The following SLC22A23 variants were observed in gnomAD, a reference collection of about 807,000 sequenced individuals.
SLC22A23 encodes solute carrier family 22 member 23.
In SLC22A23, 26 loss-of-function variants were observed where a neutral mutation model predicts 61.0. The observed-to-expected ratio is 0.43, with a 90% CI of 0.31 to 0.59. The LOEUF is 0.59. Among genes scored for constraint, SLC22A23 ranks in the 20% least tolerant of loss-of-function variants. The probability of loss-of-function intolerance (pLI) is 0.11; values close to 1 mark genes in which losing one functional copy is unlikely to be tolerated. For missense variants in SLC22A23, 796 were observed against 934.7 expected (o/e 0.85, Z 1.94); for synonymous variants, 430 against 413.9 (o/e 1.04, Z -0.47).
intron 4 of SLC22A23, among the ~76,000 whole-genome samples, chr6:3,305,846 G>A (rs1761936048): frequency 6.6e-6 from 1 of 152,236 alleles, no homozygotes; most frequent in Non-Finnish European, 1.5e-5. Flanking sequence ...GCTTCCCTGG[G>A]AGAAAGCCTT....
In SLC22A23 at chr6:3,322,547, C is replaced by T. The variant is rs562406244; in HGVS notation, c.1082+1287G>A. ...GCGGCCCCAGGAGAGGAGCTCAGTT[C>T]GGGCAGCGGTGGCTGCTGAGTGGCC... On this transcript the variant is annotated intron_variant, in intron 4 of 9. Transcript: ENST00000406686. This position sits in a 1 kb window ranked among gnomAD's most constrained non-coding sequence, Gnocchi z 4.1. Among the ~76,000 whole-genome samples the T allele has an allele frequency of 1.5e-4, 23 of 152,318 alleles. No individual in the cohort carries two copies. Among genetic ancestry groups the T allele is most frequent in the African/African-American group, 3.1e-4 (13 of 41,570 alleles).
intron 3 of SLC22A23, among the ~76,000 whole-genome samples, chr6:3,361,796 G>T (rs917661121): frequency 6.6e-6 from 1 of 152,216 alleles, no homozygotes; most frequent in Non-Finnish European, 1.5e-5. Context: ...TCAACAGATC[G>T]CAAAGGCCTC....
chr6:3,373,382 C>T (rs1006031304), intron 3 of SLC22A23, among the ~76,000 whole-genome samples: 1 of 152,350 alleles, frequency 6.6e-6, no homozygotes. Context: ...TGCTCTGTGT[C>T]CTTTTGCTGT....
At chr6:3,314,350 A>T (rs1762518743) in intron 4 of SLC22A23, among the ~76,000 whole-genome samples, 1 of 152,166 alleles carries the variant, frequency 6.6e-6, no homozygotes. Context: ...GCTGAGCAGG[A>T]GGTGGTAGTC....
rs1167421362 is a variant in SLC22A23, at chr6:3,318,875, C to T, written c.1082+4959G>A. Among the ~76,000 whole-genome samples the T allele has an allele frequency of 6.6e-6, 1 of 152,158 alleles. No individual in the cohort carries two copies. The highest frequency in any genetic ancestry group is 1.5e-5 in the Non-Finnish European group (1 of 68,028). ...GAAACAGACCCAGCTGCCATCACTG[C>T]CTCCTCTCTCACCTTTGAGAGTCAC... On this transcript the variant is annotated intron_variant, in intron 4 of 9. Transcript: ENST00000406686. The surrounding 1 kb of genome is among the most constrained non-coding windows in gnomAD (Gnocchi z 4.3).
At chr6:3,340,540 T>C (rs569549655) in intron 3 of SLC22A23, among the ~76,000 whole-genome samples, 1 of 152,302 alleles carries the variant, frequency 6.6e-6, no homozygotes, top group East Asian at 1.9e-4. Context: ...ACATCTTGCA[T>C]AAGAACGGCA....
intron 3 of SLC22A23, among the ~76,000 whole-genome samples, chr6:3,405,236 A>AG (rs1451016107): frequency 6.6e-6 from 1 of 151,956 alleles, no homozygotes; most frequent in East Asian, 1.9e-4. Context: ...ACACCAGCCC[A>AG]GGCGACAGTG....
chr6:3,370,597 C>T (rs1479614454), intron 3 of SLC22A23, among the ~76,000 whole-genome samples: 1 of 152,280 alleles, frequency 6.6e-6, no homozygotes, highest in East Asian at 1.9e-4. Flanking sequence ...TGGCTCCCCT[C>T]AGTGCCTCTC....
intron 3 of SLC22A23, among the ~76,000 whole-genome samples, chr6:3,343,157 T>G (rs1190392598): frequency 6.6e-6 from 1 of 152,182 alleles, no homozygotes; most frequent in East Asian, 1.9e-4. Context: ...CCGACAAAGC[T>G]GCGTCCTGCA....
In SLC22A23 at chr6:3,360,799, C is replaced by T. The variant is rs917363266; in HGVS notation, c.914-36797G>A. On this transcript the variant is annotated intron_variant, in intron 3 of 9. Coordinates refer to ENST00000406686, the MANE Select transcript of SLC22A23 (RefSeq NM_015482.2). This position sits in a 1 kb window ranked among gnomAD's most constrained non-coding sequence, Gnocchi z 4.6. ...GACGGGCCCCTCTGATGGAGACCTG[C>T]GTTCGGCCAGGCAGGCCCACAGCTG... 1.3e-5 allele frequency among the ~76,000 whole-genome samples: 2 copies of T among 152,162 alleles called. No homozygotes were observed. Among genetic ancestry groups the T allele is most frequent in the Non-Finnish European group, 2.9e-5 (2 of 68,044 alleles).
intron 4 of SLC22A23, among the ~76,000 whole-genome samples, chr6:3,316,072 C>G (rs887085481): frequency 6.6e-6 from 1 of 152,108 alleles, no homozygotes; most frequent in East Asian, 1.9e-4. Context: ...TTCAGCAGGC[C>G]TGGGGCGGGG....
chr6:3,341,226 C>T (rs921561908), intron 3 of SLC22A23, among the ~76,000 whole-genome samples: 6 of 152,146 alleles, frequency 3.9e-5, no homozygotes, highest in South Asian at 2.1e-4. Context: ...GCCCTCCCTC[C>T]GATCAAGCTG....
At chr6:3,388,169 G>T (rs1337985104) in intron 3 of SLC22A23, among the ~76,000 whole-genome samples, 1 of 152,210 alleles carries the variant, frequency 6.6e-6, no homozygotes, top group Non-Finnish European at 1.5e-5. Context: ...AACAAAGAAC[G>T]AAGGAGACTC....
rs545602339 is a variant in SLC22A23, at chr6:3,371,343, G to T, written c.913+38845C>A. On this transcript the variant is annotated intron_variant, in intron 3 of 9. Transcript: ENST00000406686. ...CCATAGAAAATATAAGTGAAGGGTTGCCAGGGCTGTGATCTAATAAAACTT... is the reference window on the plus strand; with the variant it reads ...CCATAGAAAATATAAGTGAAGGGTTTCCAGGGCTGTGATCTAATAAAACTT... Among the ~76,000 whole-genome samples the T allele has an allele frequency of 1.4e-3, 214 of 152,374 alleles. 3 individuals are homozygous for T. Among genetic ancestry groups the T allele is most frequent in the African/African-American group, 4.8e-3 (198 of 41,592 alleles).
intron 1 of SLC22A23, among the ~76,000 whole-genome samples, chr6:3,446,012 G>C (rs1055128363): frequency 6.6e-6 from 1 of 152,164 alleles, no homozygotes; most frequent in Non-Finnish European, 1.5e-5. Flanking sequence ...CTGGCTAGCC[G>C]GGACTAAGAA....
At chr6:3,403,391 C>G (rs1319415559) in intron 3 of SLC22A23, among the ~76,000 whole-genome samples, 1 of 150,860 alleles carries the variant, frequency 6.6e-6, no homozygotes, top group Non-Finnish European at 1.5e-5. Flanking sequence ...AGGATTCCAG[C>G]CAGCAAACAT....
chr6:3,356,933 C>T (rs1037729577), intron 3 of SLC22A23, among the ~76,000 whole-genome samples: 3 of 151,890 alleles, frequency 2.0e-5, no homozygotes, highest in Non-Finnish European at 4.4e-5. Flanking sequence ...CTAGGAGAGG[C>T]GCAGGCTTCT....
chr6:3,292,575 G>A (rs886995534), intron 5 of SLC22A23, among the ~76,000 whole-genome samples: 2 of 152,180 alleles, frequency 1.3e-5, no homozygotes, highest in African/African-American at 2.4e-5. Context: ...ACGTCGAGCC[G>A]ACTGAATTTT....
At chr6:3,323,175 G>C in intron 4 of SLC22A23, 1 of 448,276 alleles carries the variant, frequency 2.2e-6, no homozygotes, top group South Asian at 1.6e-5. Context: ...AGTTCAAAAA[G>C]GCATATTAGA....
Sources: allele counts gnomAD v4.1 joint callset (sites outside exome capture counted in the v4.1 genomes callset), GRCh38; gene constraint gnomAD v4.1.1; non-coding constraint Gnocchi (gnomAD v3.1); transcripts MANE v1.5; gene names NCBI Gene and HGNC (gene_info 2026-07-23, HGNC 2026-07-21).